PTK2: variants seen among roughly 807,000 people sequenced by gnomAD.
PTK2 encodes protein tyrosine kinase 2, also known as focal adhesion kinase 1.
Under a neutral mutation model 150.1 loss-of-function variants are expected in PTK2, and 45 were observed. The observed-to-expected ratio is 0.30, with a 90% CI of 0.24 to 0.38. The LOEUF is 0.38. Ranked by LOEUF, PTK2 falls within the 10% of genes least tolerant of loss-of-function variation. The pLI is 1.00. For synonymous variants in PTK2, 432 were observed against 449.2 expected (o/e 0.96, Z 0.48); for missense variants, 919 against 1,307.3 (o/e 0.70, Z 4.58).
At chr8:140,774,263 G>A (rs2100077161) in intron 14 of PTK2, among the ~76,000 whole-genome samples, 1 of 152,204 alleles carries the variant, frequency 6.6e-6, no homozygotes, top group South Asian at 2.1e-4. Flanking sequence ...TGATCAATTG[G>A]CAAGTCACCA....
chr8:140,674,436 T>G (rs774599016), intron 28 of PTK2, 32 bp from the exon 32 acceptor site: 211 of 1,543,186 alleles, frequency 1.4e-4, no homozygotes, highest in Non-Finnish European at 1.8e-4. Context: ...CATTAAGTCA[T>G]GTGCGTTAAG....
intron 8 of PTK2, among the ~76,000 whole-genome samples, chr8:140,828,031 G>C (rs936195721): frequency 6.6e-6 from 1 of 152,054 alleles, no homozygotes; most frequent in Admixed American, 6.6e-5. Flanking sequence ...GCCAGGTGTG[G>C]TGGCAGGCAC....
chr8:140,955,071 A>T (rs1214939793), intron 1 of PTK2, among the ~76,000 whole-genome samples: 1 of 152,232 alleles, frequency 6.6e-6, no homozygotes, highest in Non-Finnish European at 1.5e-5. Context: ...GGCATAATTA[A>T]TCTGACACAA....
At chr8:140,986,517 G>A (rs941762435) in intron 1 of PTK2, among the ~76,000 whole-genome samples, 2 of 152,206 alleles carry the variant, frequency 1.3e-5, no homozygotes, top group Non-Finnish European at 2.9e-5. Context: ...AACTACCTCT[G>A]CCCTCAGTGC....
intron 3 of PTK2, among the ~76,000 whole-genome samples, chr8:140,880,956 T>C (rs945325744): frequency 3.3e-5 from 5 of 152,102 alleles, no homozygotes; most frequent in African/African-American, 7.2e-5. Context: ...CAAAGTTGTT[T>C]ACCAAGCACA....
intron 1 of PTK2, among the ~76,000 whole-genome samples, chr8:140,975,969 C>T (rs762730062): frequency 2.0e-5 from 3 of 152,134 alleles, no homozygotes; most frequent in Admixed American, 2.0e-4. Flanking sequence ...AGGACCTGTG[C>T]CTTTAGTAGT....
At chr8:140,972,350 C>A (rs2100187626) in intron 1 of PTK2, among the ~76,000 whole-genome samples, 1 of 152,080 alleles carries the variant, frequency 6.6e-6, no homozygotes. Context: ...CTGCAACCTC[C>A]ACCTCCCAGG....
At chr8:140,996,637 C>T (rs1020930317) in intron 1 of PTK2, among the ~76,000 whole-genome samples, 9 of 152,188 alleles carry the variant, frequency 5.9e-5, no homozygotes, top group African/African-American at 2.2e-4. Context: ...TCTACTCTGC[C>T]TGTGCTCTAC....
chr8:140,927,950 A>AG (rs2100170126), intron 1 of PTK2, among the ~76,000 whole-genome samples: 3 of 83,380 alleles, frequency 3.6e-5, no homozygotes, highest in Non-Finnish European at 2.2e-5. Context: ...GAAAAAAAAA[A>AG]AAAAAAAGAA....
At chr8:140,986,541 G>A (rs945390108) in intron 1 of PTK2, among the ~76,000 whole-genome samples, 4 of 152,178 alleles carry the variant, frequency 2.6e-5, no homozygotes, top group Non-Finnish European at 5.9e-5. Context: ...TGCCAATTCT[G>A]AAAAGTCTCA....
At chr8:140,862,232 G>A (rs948508774) in intron 5 of PTK2, among the ~76,000 whole-genome samples, 18 of 152,010 alleles carry the variant, frequency 1.2e-4, no homozygotes, top group African/African-American at 4.4e-4. Context: ...TTTCCTCGGT[G>A]GGTAGAATTT....
chr8:140,988,642 T>C (rs920114905), intron 1 of PTK2, among the ~76,000 whole-genome samples: 5 of 141,300 alleles, frequency 3.5e-5, no homozygotes, highest in Admixed American at 8.0e-5. Flanking sequence ...GGCAGGAGAA[T>C]GGCGTGAACC....
intron 8 of PTK2, among the ~76,000 whole-genome samples, chr8:140,820,075 GGTTTTTTTTTTTTTTTT>G (rs2100107260): frequency 2.0e-5 from 1 of 49,102 alleles, no homozygotes; most frequent in Non-Finnish European, 4.5e-5. Flanking sequence ...ATCTGACTTT[GGTTTTTTTTTTTTTTTT>G]TTTTTTTTTT....
intron 26 of PTK2, among the ~76,000 whole-genome samples, chr8:140,687,530 T>G (rs1351952915): frequency 1.3e-5 from 2 of 152,186 alleles, no homozygotes; most frequent in African/African-American, 4.8e-5. Context: ...TGGAGCATCT[T>G]GATGTCTGAT....
At chr8:140,872,006 A>T (rs1172785561) in intron 4 of PTK2, among the ~76,000 whole-genome samples, 2 of 152,134 alleles carry the variant, frequency 1.3e-5, no homozygotes, top group African/African-American at 2.4e-5. Flanking sequence ...CAGGAGATCA[A>T]GACCATCCTG....
chr8:140,946,857 G>T (rs922936764), intron 1 of PTK2, among the ~76,000 whole-genome samples: 2 of 152,178 alleles, frequency 1.3e-5, no homozygotes, highest in East Asian at 3.9e-4. Flanking sequence ...TTAGAACCAT[G>T]CCAAGCACTT....
intron 25 of PTK2, 117 bp from the exon 29 acceptor site, chr8:140,701,139 A>T (rs776033434): frequency 5.0e-6 from 6 of 1,189,664 alleles, no homozygotes; most frequent in Non-Finnish European, 6.9e-6. Flanking sequence ...GAGAAACAGG[A>T]TCTCTCATAC....
exon 32 of PTK2, chr8:140,658,433 G>A (rs1244631120): frequency 5.4e-6 from 1 of 184,862 alleles, no homozygotes; most frequent in Non-Finnish European, 1.2e-5. Flanking sequence ...ATAGGTCAAA[G>A]TAACTGTACA....
chr8:140,755,050 G>A (rs1258487022), intron 16 of PTK2, among the ~76,000 whole-genome samples: 1 of 152,330 alleles, frequency 6.6e-6, no homozygotes, highest in East Asian at 1.9e-4. Flanking sequence ...GACAAGGGAT[G>A]CAAGATTAGG....
Sources: allele counts gnomAD v4.1 joint callset (sites outside exome capture counted in the v4.1 genomes callset), GRCh38; gene constraint gnomAD v4.1.1; transcripts MANE v1.5; gene names NCBI Gene and HGNC (gene_info 2026-07-23, HGNC 2026-07-21).